Variants in PTPRG observed in about 807,000 individuals in gnomAD.
PTPRG encodes the protein receptor-type tyrosine-protein phosphatase gamma.
Under a neutral mutation model 165.3 loss-of-function variants are expected in PTPRG, and 102 were observed. The observed-to-expected ratio is 0.62, with a 90% CI of 0.53 to 0.73. The LOEUF (loss-of-function observed/expected upper bound fraction) is 0.73. Among genes scored for constraint, PTPRG ranks in the 30% least tolerant of loss-of-function variants. The pLI is 0.00. For missense variants in PTPRG, 1,866 were observed against 1,861.4 expected (o/e 1.00, Z -0.05); for synonymous variants, 675 against 669.5 (o/e 1.01, Z -0.13).
chr3:61,619,245 G>C (rs1273659271), intron 1 of PTPRG, among the ~76,000 whole-genome samples: 1 of 152,106 alleles, frequency 6.6e-6, no homozygotes, highest in Non-Finnish European at 1.5e-5. Context: ...CTCCAAAAAG[G>C]ATGGGCTTGA....
chr3:62,143,554 C>CTT (rs372744091), intron 6 of PTPRG, among the ~76,000 whole-genome samples: 4 of 138,902 alleles, frequency 2.9e-5, no homozygotes, highest in Non-Finnish European at 6.3e-5. Flanking sequence ...CATGAAGAAT[C>CTT]TTTTTTTTTT....
chr3:61,767,045 A>G (rs926330732), intron 2 of PTPRG, among the ~76,000 whole-genome samples: 1 of 151,684 alleles, frequency 6.6e-6, no homozygotes, highest in Non-Finnish European at 1.5e-5. Context: ...GGAGTTCGAG[A>G]CCATCCCGGC....
rs1227226196 is a variant in PTPRG, at chr3:61,895,800, A to G, written c.191-93825A>G. ...GGTTCTCTTTAAAAATTTGAAAGTG[A>G]TACCATTTATATTTCAGGATTCTCA... On this transcript the variant is annotated intron_variant, in intron 2 of 29. Transcript: ENST00000474889. 3.3e-5 allele frequency among the ~76,000 whole-genome samples: 5 copies of G among 152,304 alleles called. No homozygotes were observed. The East Asian group carries it at 9.7e-4, about 29-fold the overall frequency.
At chr3:61,600,591 G>C (rs1700837047) in intron 1 of PTPRG, among the ~76,000 whole-genome samples, 1 of 152,162 alleles carries the variant, frequency 6.6e-6, no homozygotes, top group South Asian at 2.1e-4. Context: ...CCAGGCTGGA[G>C]TGCAGCGGCA....
At chr3:62,206,912 CAA>C (rs556974355) in intron 12 of PTPRG, among the ~76,000 whole-genome samples, 176 of 37,284 alleles carry the variant, frequency 4.7e-3, no homozygotes, top group African/African-American at 0.012. Flanking sequence ...GACTCTGTCT[CAA>C]AAAAAAAAAA....
At chr3:62,070,816 G>A (rs747595100) in intron 4 of PTPRG, among the ~76,000 whole-genome samples, 2 of 151,606 alleles carry the variant, frequency 1.3e-5, no homozygotes, top group Non-Finnish European at 2.9e-5. Context: ...CCTGTTTCTT[G>A]TCCACCACCA....
In PTPRG at chr3:62,273,632, C is replaced by T. The variant is rs1702143949; in HGVS notation, c.3319-66C>T. 6.6e-7 allele frequency: 1 copy of T among 1,507,146 alleles called. No homozygotes were observed. Among genetic ancestry groups the T allele is most frequent in the Non-Finnish European group, 9.2e-7 (1 of 1,089,520 alleles). The allele number at this position is 1,507,146 out of a possible 1,614,324, so 93.4% of individuals were successfully genotyped here. On this transcript the variant is annotated intron_variant, in intron 22 of 29. Transcript: ENST00000474889. The surrounding 1 kb of genome is among the most constrained non-coding windows in gnomAD (Gnocchi z 4.1). ...TTAGCAGCAGAATTAAACTAAGGTA[C>T]ACTTCATGAATGAGTGGCTAACCCT...
chr3:61,894,480 T>C (rs2038298821), intron 2 of PTPRG, among the ~76,000 whole-genome samples: 1 of 152,120 alleles, frequency 6.6e-6, no homozygotes, highest in African/African-American at 2.4e-5. Flanking sequence ...TCATTAGTAA[T>C]AACAAAACAT....
intron 1 of PTPRG, among the ~76,000 whole-genome samples, chr3:61,637,851 G>C (rs1021015651): frequency 6.6e-6 from 1 of 152,264 alleles, no homozygotes; most frequent in Non-Finnish European, 1.5e-5. Flanking sequence ...GAACCTCACC[G>C]ACCAAGTGAG....
At chr3:61,941,845 A>T (rs1025976868) in intron 2 of PTPRG, among the ~76,000 whole-genome samples, 10 of 148,648 alleles carry the variant, frequency 6.7e-5, no homozygotes, top group African/African-American at 2.5e-4. Flanking sequence ...GTAAGAATAG[A>T]TTTTTTTTTT....
chr3:61,643,985 A>T (rs1702133162), intron 1 of PTPRG, among the ~76,000 whole-genome samples: 1 of 152,170 alleles, frequency 6.6e-6, no homozygotes, highest in Non-Finnish European at 1.5e-5. Flanking sequence ...GCTCTGTGGA[A>T]CCAAATCCAT....
At chr3:62,153,173 T>C (rs1242330799) in intron 6 of PTPRG, among the ~76,000 whole-genome samples, 1 of 152,260 alleles carries the variant, frequency 6.6e-6, no homozygotes, top group East Asian at 1.9e-4. Flanking sequence ...TGGTACTTTA[T>C]AGAAAACGGT....
intron 4 of PTPRG, among the ~76,000 whole-genome samples, chr3:62,004,352 CAT>C (rs2041243125): frequency 1.3e-5 from 2 of 152,126 alleles, no homozygotes; most frequent in African/African-American, 4.8e-5. Flanking sequence ...TTTGGATAAA[CAT>C]AGAAATTGAC....
chr3:62,187,692 G>A (rs1265066149), intron 8 of PTPRG, among the ~76,000 whole-genome samples: 3 of 152,144 alleles, frequency 2.0e-5, no homozygotes, highest in African/African-American at 7.2e-5. Flanking sequence ...GGCCCTCCTA[G>A]TACTCTGCAA....
At chr3:62,125,186 A>G (rs1464264688) in intron 5 of PTPRG, among the ~76,000 whole-genome samples, 1 of 152,186 alleles carries the variant, frequency 6.6e-6, no homozygotes, top group Non-Finnish European at 1.5e-5. Flanking sequence ...CCTACATGAT[A>G]TTTACATGGT....
Position 61,613,418 on chromosome 3 carries a change from C to T in PTPRG, c.85+51046C>T, listed in dbSNP as rs1012774676. On this transcript the variant is annotated intron_variant, in intron 1 of 29. Transcript: ENST00000474889. ...AGCTCTTTGAAGATGAATTTCTCAG[C>T]ACTGCTGTCACAATTAAAGAAAGAC... Among the ~76,000 whole-genome samples the T allele has an allele frequency of 8.5e-5, 13 of 152,282 alleles. No individual in the cohort carries two copies. In the East Asian group the frequency reaches 2.5e-3, roughly 29 times the overall value.
At chr3:61,705,405 T>G (rs957524578) in intron 1 of PTPRG, among the ~76,000 whole-genome samples, 4 of 152,120 alleles carry the variant, frequency 2.6e-5, no homozygotes, top group Non-Finnish European at 5.9e-5. Context: ...AGGCTGCTAT[T>G]TTGTCAGGGG....
At chr3:61,761,480 A>C (rs1388642110) in intron 2 of PTPRG, among the ~76,000 whole-genome samples, 1 of 152,222 alleles carries the variant, frequency 6.6e-6, no homozygotes, top group African/African-American at 2.4e-5. Flanking sequence ...TGGGAGGCTG[A>C]AGCAGGAGAA....
At position 62,254,009 on chromosome 3, in the gene PTPRG, C is replaced by T. The variant is rs529697030; in HGVS notation, c.2468-1115C>T. ...TGAAAATGTCAATAGATGCAAAAAGCCACCCTAGAGCTTTGCTCTCTCGAA... is the reference window on the plus strand; with the variant it reads ...TGAAAATGTCAATAGATGCAAAAAGTCACCCTAGAGCTTTGCTCTCTCGAA... On this transcript the variant is annotated intron_variant, in intron 15 of 29. Coordinates refer to ENST00000474889, the MANE Select transcript of PTPRG (RefSeq NM_002841.4). The surrounding 1 kb of genome is among the most constrained non-coding windows in gnomAD (Gnocchi z 4.6). Among the ~76,000 whole-genome samples the T allele has an allele frequency of 9.2e-5, 14 of 152,264 alleles. No homozygotes were observed. The highest frequency in any genetic ancestry group is 1.6e-4 in the Non-Finnish European group (11 of 68,018).
Sources: allele counts gnomAD v4.1 joint callset (sites outside exome capture counted in the v4.1 genomes callset), GRCh38; gene constraint gnomAD v4.1.1; non-coding constraint Gnocchi (gnomAD v3.1); transcripts MANE v1.5; gene names NCBI Gene and HGNC (gene_info 2026-07-23, HGNC 2026-07-21).